Variants in SAMD8 observed in about 807,000 individuals in gnomAD.
SAMD8 encodes sterile alpha motif domain containing 8.
SAMD8 carries 20 observed loss-of-function variants against 42.0 expected under a neutral mutation model. That is an observed-to-expected ratio of 0.48 (90% CI 0.34 to 0.69). The LOEUF (loss-of-function observed/expected upper bound fraction) is 0.69, where lower values mean the gene tolerates loss of function less well. Among genes scored for constraint, SAMD8 ranks in the 30% least tolerant of loss-of-function variants. The pLI, the probability that SAMD8 is intolerant of heterozygous loss-of-function variation, is 0.01. For missense variants in SAMD8, 328 were observed against 511.6 expected (o/e 0.64, Z 3.46); for synonymous variants, 162 against 173.0 (o/e 0.94, Z 0.50).
chr10:75,140,781 A>G (rs1483725683), intron 1 of SAMD8, among the ~76,000 whole-genome samples: 1 of 152,188 alleles, frequency 6.6e-6, no homozygotes, highest in Non-Finnish European at 1.5e-5. Flanking sequence ...ATATCTACAA[A>G]ATTAAAGGCC....
intron 1 of SAMD8, among the ~76,000 whole-genome samples, chr10:75,129,750 T>C (rs1250670802): frequency 6.6e-6 from 1 of 152,170 alleles, no homozygotes; most frequent in Non-Finnish European, 1.5e-5. Flanking sequence ...TGATTGGAGA[T>C]TTGTGTTAGG....
At chr10:75,108,950 G>A (rs562458173), upstream of SAMD8, 11 of 1,537,552 alleles carry the variant, frequency 7.2e-6, no homozygotes, top group Admixed American at 7.6e-5. Flanking sequence ...CTGGTAAAGC[G>A]ACCAAGAACT....
At chr10:75,167,644 G>T (rs1306936574) in intron 3 of SAMD8, among the ~76,000 whole-genome samples, 1 of 152,122 alleles carries the variant, frequency 6.6e-6, no homozygotes, top group Non-Finnish European at 1.5e-5. Context: ...CCAAGCTAGA[G>T]TGCAGTGGCA....
chr10:75,151,069 C>A lies in SAMD8; in HGVS notation c.541C>A (p.Gln181Lys), dbSNP rs1387479092. 6.4e-7 allele frequency: 1 copy of A among 1,550,936 alleles called. No homozygotes were observed. The highest frequency in any genetic ancestry group is 2.0e-5 in the Admixed American group (1 of 49,930). ...AGTCCATGAGCGAGTGCCTGACATG[C>A]AGACCTATCCACCACTCCCAGATAT... ...VIVHERVPDM[Q>K]TYPPLPDIFL... The change falls in exon 2 of 6, where the codon CAG becomes AAG. Residue 181 changes from glutamine (Q) to lysine (K), a missense_variant. Transcript: ENST00000542569.
intron 4 of SAMD8, among the ~76,000 whole-genome samples, chr10:75,175,671 C>G (rs1425895697): frequency 6.6e-6 from 1 of 152,060 alleles, no homozygotes; most frequent in Non-Finnish European, 1.5e-5. Flanking sequence ...GCCTTAGCCT[C>G]CCTAGTAGCT....
upstream of SAMD8, among the ~76,000 whole-genome samples, chr10:75,110,991 T>C (rs1848753212): frequency 6.6e-6 from 1 of 152,078 alleles, no homozygotes; most frequent in South Asian, 2.1e-4. Flanking sequence ...AATTTTTGTA[T>C]TTTTAGTACA....
At chr10:75,101,014 C>T (rs1395895560) in intron 1 of SAMD8, among the ~76,000 whole-genome samples, 2 of 152,250 alleles carry the variant, frequency 1.3e-5, no homozygotes, top group Admixed American at 1.3e-4. Context: ...GACTCCACTC[C>T]AGGGAGGCCA....
chr10:75,174,812 T>C (rs1840952898), intron 4 of SAMD8, among the ~76,000 whole-genome samples: 1 of 144,878 alleles, frequency 6.9e-6, no homozygotes, highest in Non-Finnish European at 1.5e-5. Context: ...ATGGACTGCT[T>C]TTTTAGGCGT....
At chr10:75,169,842 G>A (rs1486161536) in intron 4 of SAMD8, among the ~76,000 whole-genome samples, 1 of 152,202 alleles carries the variant, frequency 6.6e-6, no homozygotes, top group Non-Finnish European at 1.5e-5. Flanking sequence ...CCAGGAGGCG[G>A]AGGTTGCAGT....
upstream of SAMD8, chr10:75,107,951 A>G: frequency 6.4e-7 from 1 of 1,570,294 alleles, no homozygotes; most frequent in Non-Finnish European, 8.6e-7. Flanking sequence ...CCTCCCCATG[A>G]ATGAGCAAGA....
At position 75,152,111 on chromosome 10, in the gene SAMD8, G is replaced by A. The variant is rs182324896; in HGVS notation, c.578+1005G>A. Among the ~76,000 whole-genome samples the A allele has an allele frequency of 1.8e-3, 277 of 150,784 alleles. 1 individual carries two copies. Among genetic ancestry groups the A allele is most frequent in the Middle Eastern group, 3.4e-3 (1 of 294 alleles). On this transcript the variant is annotated intron_variant, in intron 2 of 5. Coordinates refer to ENST00000542569, the MANE Select transcript of SAMD8 (RefSeq NM_001174156.2). The stretch of plus-strand genomic sequence containing the variant: ...CTGCTTTTTCAAAAATATTGATGGT[G>A]TCATATCACCAAATGAATTGGAACT...
In SAMD8 at chr10:75,150,779, A is replaced by G; in HGVS notation, c.251A>G (p.Glu84Gly). The G allele has an allele frequency of 6.2e-7, 1 of 1,614,160 alleles. No homozygotes were observed. The highest frequency in any genetic ancestry group is 1.7e-5 in the Admixed American group (1 of 60,020). ...KLQKIHIDVL[E>G]EMGYNSDSPM... ...CAGAAAATACATATTGATGTTTTAG[A>G]AGAGATGGGCTACAACAGTGACAGT... The change falls in exon 2 of 6, where the codon GAA becomes GGA. Residue 84 changes from glutamate (E) to glycine (G), a missense_variant. Glu to Gly is a moderately conservative substitution (Grantham distance 98). Around this residue, in one of 2 missense-constraint regions of SAMD8, gnomAD observed 150 missense variants for 186.0 expected, o/e 0.81. Coordinates refer to ENST00000542569, the MANE Select transcript of SAMD8 (RefSeq NM_001174156.2).
chr10:75,149,128 G>T (rs557971586), intron 1 of SAMD8, among the ~76,000 whole-genome samples: 1 of 152,180 alleles, frequency 6.6e-6, no homozygotes, highest in South Asian at 2.1e-4. Flanking sequence ...CAGAGGTCTG[G>T]AAAGTGTCAG....
chr10:75,116,106 G>T (rs1848875513), intron 1 of SAMD8, among the ~76,000 whole-genome samples: 3 of 145,630 alleles, frequency 2.1e-5, no homozygotes, highest in African/African-American at 5.0e-5. Context: ...TTTTTTGGTA[G>T]TTTTTTTTTT....
At chr10:75,152,375 A>G (rs965859323) in intron 2 of SAMD8, among the ~76,000 whole-genome samples, 4 of 150,570 alleles carry the variant, frequency 2.7e-5, no homozygotes, top group Non-Finnish European at 5.9e-5. Context: ...ACAAAAAATT[A>G]GCCGGGCATA....
chr10:75,112,190 C>T (rs1374191199), intron 1 of SAMD8, among the ~76,000 whole-genome samples: 4 of 152,114 alleles, frequency 2.6e-5, no homozygotes, highest in African/African-American at 7.2e-5. Context: ...ATGGGGTTCT[C>T]CTCTTACGGA....
At chr10:75,105,932 G>A (rs1848474680) in intron 1 of SAMD8, 2 of 1,482,336 alleles carry the variant, frequency 1.3e-6, no homozygotes, top group East Asian at 2.5e-5. Context: ...GGCTGGGATG[G>A]GGACCCAAGT....
chr10:75,135,931 G>A (rs1324878244), intron 1 of SAMD8, among the ~76,000 whole-genome samples: 8 of 150,932 alleles, frequency 5.3e-5, no homozygotes, highest in African/African-American at 1.9e-4. Flanking sequence ...AATGTTTATT[G>A]AGAACCTACC....
At chr10:75,152,330 G>T (rs1004773009) in intron 2 of SAMD8, among the ~76,000 whole-genome samples, 23 of 147,390 alleles carry the variant, frequency 1.6e-4, no homozygotes, top group African/African-American at 5.5e-4. Flanking sequence ...AGACCATCCC[G>T]GCTAAAACGG....
Sources: gnomAD v4.1 joint callset for allele counts (sites outside exome capture counted in the v4.1 genomes callset) on GRCh38, gnomAD v4.1.1 for gene constraint, gnomAD v4.1.1 regional missense constraint, MANE v1.5 for transcripts, NCBI Gene and HGNC (gene_info 2026-07-23, HGNC 2026-07-21) for gene names.